Variants in COL5A2 observed in about 807,000 individuals in gnomAD.
COL5A2 encodes collagen type V alpha 2 chain, also known as collagen alpha-2(V) chain.
A neutral mutation model predicts 208.2 loss-of-function variants in COL5A2; 23 were observed. The ratio of observed to expected loss-of-function variants is 0.11; its 90% CI spans 0.08 to 0.16. The LOEUF is 0.16. COL5A2 is among the 10% of genes least tolerant of loss of function. The pLI, the probability that COL5A2 is intolerant of heterozygous loss-of-function variation, is 1.00. For missense variants in COL5A2, 1,590 were observed against 1,956.4 expected (o/e 0.81, Z 3.53); for synonymous variants, 625 against 628.5 (o/e 0.99, Z 0.08).
At chr2:189,350,550 CATG>C in the COL5A2 span, among the ~76,000 whole-genome samples, 2 of 152,162 alleles carry the variant, frequency 1.3e-5, no homozygotes, top group African/African-American at 4.8e-5. Context: ...GAAGGCCCGT[CATG>C]ATAACATGCA....
chr2:189,053,460 A>G lies in COL5A2; in HGVS notation c.2517T>C (p.Asn839=). 1 of 1,613,876 alleles carries G rather than the reference A, an allele frequency of 6.2e-7. No homozygotes were observed. The highest frequency in any genetic ancestry group is 8.5e-7 in the Non-Finnish European group (1 of 1,179,836). ...SRGNPGSRGE[N]GPTGAVGFAG... ...CAAAACCAACAGCTCCAGTTGGCCCATTTTCACCTCGAGAACCCTAGGAGG... is the reference window on the plus strand; with the variant it reads ...CAAAACCAACAGCTCCAGTTGGCCCGTTTTCACCTCGAGAACCCTAGGAGG... Residue 839 remains asparagine, a synonymous_variant, in exon 38 of 54, where the codon AAT becomes AAC. Transcript: ENST00000374866.
intron 1 of COL5A2, among the ~76,000 whole-genome samples, chr2:189,132,199 T>C (rs892457928): frequency 1.3e-5 from 2 of 152,240 alleles, no homozygotes; most frequent in African/African-American, 2.4e-5. Context: ...TACGTAATCA[T>C]GGTCTGGTTT....
At chr2:189,209,057 G>T (rs1248955392) in intron 1 of COL5A2, among the ~76,000 whole-genome samples, 4 of 152,132 alleles carry the variant, frequency 2.6e-5, no homozygotes, top group African/African-American at 9.7e-5. Flanking sequence ...CTTCATGGGG[G>T]TCTTTATTTT....
chr2:189,330,886 T>C, the COL5A2 span, among the ~76,000 whole-genome samples: 1 of 152,178 alleles, frequency 6.6e-6, no homozygotes, highest in Non-Finnish European at 1.5e-5. Context: ...ATTTCTGTTA[T>C]ACAATCAAAA....
At chr2:189,057,513 G>T (rs939145671) in intron 33 of COL5A2, 86 bp from the exon 34 acceptor site, 13 of 961,340 alleles carry the variant, frequency 1.4e-5, no homozygotes, top group Non-Finnish European at 1.9e-5. Context: ...AAAAGTAGTT[G>T]TCAGCAATTT....
At chr2:189,320,881 G>A in the COL5A2 span, among the ~76,000 whole-genome samples, 1 of 152,146 alleles carries the variant, frequency 6.6e-6, no homozygotes, top group South Asian at 2.1e-4. Context: ...CACCAAAGTT[G>A]AAATGAAGGA....
At chr2:189,358,568 G>T in the COL5A2 span, among the ~76,000 whole-genome samples, 1 of 152,108 alleles carries the variant, frequency 6.6e-6, no homozygotes, top group African/African-American at 2.4e-5. Context: ...GTCTTCTGTG[G>T]TTCCATATAA....
the COL5A2 span, among the ~76,000 whole-genome samples, chr2:189,230,829 T>C: frequency 1.3e-5 from 2 of 151,924 alleles, no homozygotes; most frequent in Non-Finnish European, 2.9e-5. Context: ...ATCCAGTCAG[T>C]TCACTTCTGG....
chr2:189,041,905 A>AATAT (rs747571728), intron 49 of COL5A2, among the ~76,000 whole-genome samples: 2 of 152,256 alleles, frequency 1.3e-5, no homozygotes, highest in Non-Finnish European at 2.9e-5. Context: ...GTAAAAGACA[A>AATAT]ATATGAGTTT....
intron 41 of COL5A2, 80 bp from the exon 42 acceptor site, chr2:189,051,561 C>T (rs1685790070): frequency 7.8e-7 from 1 of 1,278,688 alleles, no homozygotes; most frequent in Non-Finnish European, 1.1e-6. Flanking sequence ...CTGTCTGCCT[C>T]AGATGCAGAT....
intron 1 of COL5A2, among the ~76,000 whole-genome samples, chr2:189,218,106 G>A (rs1162412807): frequency 6.6e-6 from 1 of 152,144 alleles, no homozygotes; most frequent in Middle Eastern, 3.2e-3. Flanking sequence ...AGAACGTTAT[G>A]CTAACAGATA....
At chr2:189,258,773 G>A in the COL5A2 span, among the ~76,000 whole-genome samples, 4 of 152,156 alleles carry the variant, frequency 2.6e-5, no homozygotes, top group Middle Eastern at 6.8e-3. Context: ...AAAAAGCCAC[G>A]TCGCCAGAGA....
the COL5A2 span, among the ~76,000 whole-genome samples, chr2:189,406,131 A>G: frequency 6.6e-6 from 1 of 152,214 alleles, no homozygotes; most frequent in Admixed American, 6.5e-5. Flanking sequence ...AATGACTAAT[A>G]AAATTTAATA....
chr2:189,419,871 G>A, the COL5A2 span, among the ~76,000 whole-genome samples: 1 of 145,452 alleles, frequency 6.9e-6, no homozygotes, highest in African/African-American at 2.5e-5. Context: ...TGAGAGGAGA[G>A]GAGGAGGAGG....
chr2:189,432,015 A>G, the COL5A2 span, among the ~76,000 whole-genome samples: 1 of 152,224 alleles, frequency 6.6e-6, no homozygotes, highest in East Asian at 1.9e-4. Flanking sequence ...GAAACCCTAC[A>G]AGCCAGAAAA....
At chr2:189,423,182 G>A in the COL5A2 span, among the ~76,000 whole-genome samples, 1 of 151,976 alleles carries the variant, frequency 6.6e-6, no homozygotes, top group African/African-American at 2.4e-5. Flanking sequence ...CAAAAGCCAT[G>A]GAGATGAAAG....
intron 1 of COL5A2, among the ~76,000 whole-genome samples, chr2:189,167,672 T>TTTTC (rs1376169634): frequency 6.6e-6 from 1 of 151,280 alleles, no homozygotes; most frequent in Non-Finnish European, 1.5e-5. Context: ...TGATTTTTTT[T>TTTTC]TTTTTTTTTT....
At chr2:189,181,742 T>C (rs1339028962), upstream of COL5A2, among the ~76,000 whole-genome samples, 7 of 152,236 alleles carry the variant, frequency 4.6e-5, no homozygotes, top group African/African-American at 1.7e-4. Flanking sequence ...AGTCAGTGTA[T>C]GGAACACTCA....
At chr2:189,254,949 G>A in the COL5A2 span, among the ~76,000 whole-genome samples, 2 of 152,156 alleles carry the variant, frequency 1.3e-5, no homozygotes, top group Admixed American at 1.3e-4. Flanking sequence ...CTACCCACAA[G>A]TGGTTGTTAT....
Sources: allele counts gnomAD v4.1 joint callset (sites outside exome capture counted in the v4.1 genomes callset), GRCh38; gene constraint gnomAD v4.1.1; transcripts MANE v1.5; gene names NCBI Gene and HGNC (gene_info 2026-07-23, HGNC 2026-07-21).